The following DCC variants were observed in gnomAD, a reference collection of about 807,000 sequenced individuals.
DCC encodes the protein netrin receptor DCC.
Under a neutral mutation model 172.5 loss-of-function variants are expected in DCC, and 58 were observed. That is an observed-to-expected ratio of 0.34 (90% CI 0.27 to 0.42). DCC has a LOEUF of 0.42. DCC is among the 10% of genes least tolerant of loss of function. The pLI, the probability that DCC is intolerant of heterozygous loss-of-function variation, is 1.00. For synonymous variants in DCC, 709 were observed against 644.5 expected, an observed-to-expected ratio of 1.10 and a Z score of -1.52; for missense variants, 1,740 against 1,791.0, an observed-to-expected ratio of 0.97 and a Z score of 0.51.
At chr18:52,488,786 G>A (rs1237746642) in intron 1 of DCC, among the ~76,000 whole-genome samples, 2 of 152,054 alleles carry the variant, frequency 1.3e-5, no homozygotes, top group South Asian at 2.1e-4. Flanking sequence ...TTTTATTAAA[G>A]CAAGATACTA....
intron 1 of DCC, among the ~76,000 whole-genome samples, chr18:52,487,154 C>CT (rs2030266742): frequency 6.6e-6 from 1 of 152,082 alleles, no homozygotes; most frequent in Admixed American, 6.6e-5. Flanking sequence ...AAGATACCTG[C>CT]TTATCTCTGG....
intron 5 of DCC, among the ~76,000 whole-genome samples, chr18:53,059,747 C>T (rs989727902): frequency 6.6e-6 from 1 of 152,112 alleles, no homozygotes; most frequent in South Asian, 2.1e-4. Flanking sequence ...TATATCATTT[C>T]CATGGCATTA....
At chr18:52,926,132 T>A (rs1365953654) in intron 5 of DCC, among the ~76,000 whole-genome samples, 1 of 151,910 alleles carries the variant, frequency 6.6e-6, no homozygotes, top group Non-Finnish European at 1.5e-5. Flanking sequence ...TAGGAATTTT[T>A]CCTCTGGAAT....
chr18:52,379,613 A>G (rs926731895), intron 1 of DCC, among the ~76,000 whole-genome samples: 7 of 152,192 alleles, frequency 4.6e-5, no homozygotes, highest in African/African-American at 1.7e-4. Context: ...TTAATGGCAG[A>G]AAGTCTTTCT....
intron 7 of DCC, among the ~76,000 whole-genome samples, chr18:53,111,425 C>CA (rs571379526): frequency 2.2e-5 from 2 of 92,588 alleles, no homozygotes; most frequent in Admixed American, 9.3e-5. Flanking sequence ...TAAAAAAAGA[C>CA]AAAAAAAAGA....
chr18:53,200,740 A>T (rs2055524552), intron 9 of DCC, among the ~76,000 whole-genome samples: 1 of 152,066 alleles, frequency 6.6e-6, no homozygotes, highest in South Asian at 2.1e-4. Context: ...TCCAAGCCTC[A>T]ATGATTCTCA....
At chr18:52,864,911 C>A (rs1370067817) in intron 2 of DCC, among the ~76,000 whole-genome samples, 5 of 151,888 alleles carry the variant, frequency 3.3e-5, no homozygotes, top group African/African-American at 1.2e-4. Context: ...TGTGGCCCAG[C>A]CTGGAGTGCA....
intron 1 of DCC, among the ~76,000 whole-genome samples, chr18:52,392,299 G>T (rs575554325): frequency 6.6e-6 from 1 of 152,046 alleles, no homozygotes. Context: ...TATCTGTGCC[G>T]AAGGGTGGCA....
At chr18:52,573,316 G>T (rs2033342819) in intron 1 of DCC, among the ~76,000 whole-genome samples, 1 of 152,144 alleles carries the variant, frequency 6.6e-6, no homozygotes, top group African/African-American at 2.4e-5. Flanking sequence ...TAGGGGGCAA[G>T]AAGGAGAGCT....
chr18:53,037,609 A>C (rs1419706731), intron 5 of DCC, among the ~76,000 whole-genome samples: 1 of 151,990 alleles, frequency 6.6e-6, no homozygotes, highest in East Asian at 1.9e-4. Flanking sequence ...ACCAGCTCTG[A>C]AGGAATATAC....
chr18:53,512,323 T>C (rs1467410139), intron 27 of DCC, among the ~76,000 whole-genome samples: 1 of 148,030 alleles, frequency 6.8e-6, no homozygotes, highest in Non-Finnish European at 1.5e-5. Context: ...ATCACCATCA[T>C]CAAAGACCAA....
intron 1 of DCC, among the ~76,000 whole-genome samples, chr18:52,697,287 C>A (rs997470785): frequency 6.6e-6 from 1 of 152,184 alleles, no homozygotes; most frequent in African/African-American, 2.4e-5. Context: ...CACACACATG[C>A]AATGTGGAAG....
At chr18:52,791,162 G>T (rs1234960290) in intron 2 of DCC, among the ~76,000 whole-genome samples, 1 of 152,140 alleles carries the variant, frequency 6.6e-6, no homozygotes. Flanking sequence ...TTCTAATTTT[G>T]GGGAATTCTC....
In DCC at chr18:53,391,660, A is replaced by G; in HGVS notation, c.2461A>G (p.Thr821Ala). 1 of 1,612,182 alleles carries G rather than the reference A, an allele frequency of 6.2e-7. No individual in the cohort carries two copies. The highest frequency in any genetic ancestry group is 1.1e-5 in the South Asian group (1 of 91,056). ...TGGTGGGTTTTTAAACCCAGATCCCACTGACCCAGTTGATTATTATCCTTT... is the reference window on the plus strand; with the variant it reads ...TGGTGGGTTTTTAAACCCAGATCCCGCTGACCCAGTTGATTATTATCCTTT... ...SATTRSITDP[T>A]DPVDYYPLLD... Residue 821 changes from threonine (T) to alanine (A), a missense_variant, in exon 17 of 29, where the codon ACT becomes GCT. Thr to Ala is a moderately conservative substitution (Grantham distance 58, BLOSUM62 0). Transcript: ENST00000442544.
chr18:53,506,883 G>C (rs1420068133), intron 27 of DCC, among the ~76,000 whole-genome samples: 1 of 150,848 alleles, frequency 6.6e-6, no homozygotes, highest in African/African-American at 2.4e-5. Flanking sequence ...AAAGGAGGAG[G>C]AGTGTGGATC....
chr18:53,067,233 G>T (rs2042584065), intron 7 of DCC, among the ~76,000 whole-genome samples: 1 of 152,080 alleles, frequency 6.6e-6, no homozygotes, highest in Non-Finnish European at 1.5e-5. Flanking sequence ...CAGAATTCTA[G>T]TATAAGTCCG....
Position 53,447,057 on chromosome 18 carries a change from G to A in DCC, c.3230-3443G>A, listed in dbSNP as rs371813136. 1.3e-3 allele frequency among the ~76,000 whole-genome samples: 198 copies of A among 152,260 alleles called. 3 individuals are homozygous for A. The highest frequency in any genetic ancestry group is 6.8e-3 in the Middle Eastern group (2 of 294). On this transcript the variant is annotated intron_variant, in intron 22 of 28. Transcript: ENST00000442544. The stretch of plus-strand genomic sequence containing the variant: ...ATCGACATTATATATTAAATAAGAT[G>A]TCTCTAAACAGAAACACACAAAAAA...
chr18:53,287,864 T>G (rs186192861), intron 12 of DCC, among the ~76,000 whole-genome samples: 115 of 152,302 alleles, frequency 7.6e-4, no homozygotes, highest in African/African-American at 2.6e-3. Context: ...ATTAAAAAAG[T>G]AGCCACTGCC....
intron 1 of DCC, among the ~76,000 whole-genome samples, chr18:52,505,583 C>G (rs558405254): frequency 6.6e-6 from 1 of 152,254 alleles, no homozygotes; most frequent in South Asian, 2.1e-4. Flanking sequence ...TAATCACTTT[C>G]TAATTGCTAG....
Sources: gnomAD v4.1 joint callset for allele counts (sites outside exome capture counted in the v4.1 genomes callset) on GRCh38, gnomAD v4.1.1 for gene constraint, MANE v1.5 for transcripts, NCBI Gene and HGNC (gene_info 2026-07-23, HGNC 2026-07-21) for gene names.